EYA3: variants seen among roughly 807,000 people sequenced by gnomAD.
EYA3 encodes EYA transcriptional coactivator and phosphatase 3, also known as protein phosphatase EYA3.
EYA3 carries 39 observed loss-of-function variants against 80.0 expected under a neutral mutation model. The ratio of observed to expected loss-of-function variants is 0.49; its 90% CI spans 0.38 to 0.64. EYA3 has a LOEUF of 0.64. Among genes scored for constraint, EYA3 ranks in the 30% least tolerant of loss-of-function variants. The pLI, the probability that EYA3 is intolerant of heterozygous loss-of-function variation, is 0.00. For missense variants in EYA3, 523 were observed against 676.1 expected (o/e 0.77, Z 2.51); for synonymous variants, 206 against 232.8 (o/e 0.88, Z 1.05).
At chr1:28,008,841 G>C (rs1641483533) in intron 10 of EYA3, among the ~76,000 whole-genome samples, 1 of 152,160 alleles carries the variant, frequency 6.6e-6, no homozygotes, top group African/African-American at 2.4e-5. Context: ...CTACTCAGGA[G>C]GCTGAGGCAC....
chr1:27,977,835 G>C (rs971535806), intron 17 of EYA3, among the ~76,000 whole-genome samples: 1 of 140,614 alleles, frequency 7.1e-6, no homozygotes, highest in Admixed American at 7.3e-5. Context: ...GAGATAGAGT[G>C]AGACTCTATC....
At chr1:28,022,553 C>CA (rs1264153259) in intron 7 of EYA3, among the ~76,000 whole-genome samples, 1 of 152,146 alleles carries the variant, frequency 6.6e-6, no homozygotes, top group African/African-American at 2.4e-5. Flanking sequence ...AGTAAGAATT[C>CA]ATGTTTAACT....
intron 16 of EYA3, among the ~76,000 whole-genome samples, chr1:27,984,258 C>T (rs113135263): frequency 0.022 from 3,328 of 151,860 alleles, 96 homozygotes; most frequent in African/African-American, 0.067. Flanking sequence ...CACGATGGTC[C>T]TGAACTCCTG....
rs1254090107 is a variant in EYA3 at position 28,027,844 on chromosome 1, A to G, written c.444T>C (p.Thr148=). The change falls in exon 7 of 18, where the codon ACT becomes ACC. Residue 148 remains threonine (T), a synonymous_variant. Transcript: ENST00000373871. The part of the protein sequence containing the change: ...SPSQHSVLTC[T]TGLTTSQPSP... The stretch of plus-strand genomic sequence containing the variant: ...TTGGCTGGCTTGTGGTTAACCCTGT[A>G]GTGCAGGTAAGAACACTGTGTTGAC... 1 of 1,614,212 alleles carries G rather than the reference A, an allele frequency of 6.2e-7. No homozygotes were observed. Among genetic ancestry groups the G allele is most frequent in the South Asian group, 1.1e-5 (1 of 91,088 alleles).
intron 1 of EYA3, among the ~76,000 whole-genome samples, chr1:28,061,541 T>C (rs1244385459): frequency 6.6e-6 from 1 of 151,884 alleles, no homozygotes; most frequent in Non-Finnish European, 1.5e-5. Flanking sequence ...ACAGAATTAC[T>C]GTAAAAATCT....
intron 13 of EYA3, among the ~76,000 whole-genome samples, chr1:27,996,664 G>T (rs1640479972): frequency 6.6e-6 from 1 of 152,170 alleles, no homozygotes; most frequent in Non-Finnish European, 1.5e-5. Context: ...CTGAATTTTG[G>T]GGTAGTTACT....
chr1:28,050,445 G>A (rs555599658), intron 2 of EYA3, among the ~76,000 whole-genome samples: 3 of 151,974 alleles, frequency 2.0e-5, no homozygotes, highest in African/African-American at 7.2e-5. Context: ...CAAGTGATCC[G>A]TCCACCTTGG....
At chr1:28,077,753 T>A (rs1424372365) in intron 1 of EYA3, among the ~76,000 whole-genome samples, 2 of 152,258 alleles carry the variant, frequency 1.3e-5, no homozygotes, top group African/African-American at 4.8e-5. Flanking sequence ...CCTTCTTTAA[T>A]CTGTGCAGTT....
chr1:28,032,517 G>A (rs1417590134), intron 6 of EYA3, among the ~76,000 whole-genome samples: 1 of 152,062 alleles, frequency 6.6e-6, no homozygotes. Flanking sequence ...GGCTCTTAAT[G>A]CATATCACCC....
intron 1 of EYA3, among the ~76,000 whole-genome samples, chr1:28,070,085 T>G (rs189854155): frequency 6.6e-6 from 1 of 152,314 alleles, no homozygotes; most frequent in Admixed American, 6.5e-5. Flanking sequence ...TTCTGTTGTT[T>G]TAAGCCTCAA....
chr1:28,075,019 T>C (rs1472199626), intron 1 of EYA3, among the ~76,000 whole-genome samples: 1 of 152,208 alleles, frequency 6.6e-6, no homozygotes, highest in Non-Finnish European at 1.5e-5. Context: ...TTAAAACCAG[T>C]ATAAGACTCA....
At chr1:28,035,764 G>T in intron 5 of EYA3, 84 bp from the exon 6 acceptor site, 2 of 1,286,116 alleles carry the variant, frequency 1.6e-6, no homozygotes, top group Non-Finnish European at 2.2e-6. Flanking sequence ...ACCACTAACA[G>T]CAAAGAATCT....
intron 8 of EYA3, among the ~76,000 whole-genome samples, chr1:28,014,006 T>C (rs1406693960): frequency 6.6e-6 from 1 of 152,214 alleles, no homozygotes; most frequent in Non-Finnish European, 1.5e-5. Flanking sequence ...GAGGTTGCAG[T>C]GAGCCGAGAT....
Position 27,993,504 on chromosome 1 carries a change from C to T in EYA3, c.1199G>A (p.Gly400Asp), listed in dbSNP as rs530106628. The part of the protein sequence containing the change: ...FSGSGGSGSH[G>D]SSVGVQGGVD... ...ACCTCCCTGAACACCCACAGATGAA[C>T]CATGGCTGCCACTACCTCCTGAGCC... The change falls in exon 14 of 18, where the codon GGT becomes GAT. Residue 400 changes from glycine (G) to aspartate (D), a missense_variant. Gly to Asp is a moderately conservative substitution (Grantham distance 94). Transcript: ENST00000373871. 79 of 1,612,592 alleles carry T rather than the reference C, an allele frequency of 4.9e-5. No individual in the cohort carries two copies. The South Asian group carries it at 7.6e-4, about 16-fold the overall frequency.
chr1:28,012,430 G>C (rs1184196250), intron 9 of EYA3, among the ~76,000 whole-genome samples: 1 of 152,172 alleles, frequency 6.6e-6, no homozygotes, highest in East Asian at 1.9e-4. Context: ...CTGTTCACTT[G>C]TTATATAGTA....
Position 28,067,437 on chromosome 1 carries a change from A to C in EYA3, c.-68-9343T>G, listed in dbSNP as rs12133657. Among the ~76,000 whole-genome samples, 1,395 of 152,340 alleles carry C rather than the reference A, an allele frequency of 9.2e-3. 10 individuals are homozygous for C. Among genetic ancestry groups the C allele is most frequent in the African/African-American group, 0.017 (697 of 41,576 alleles). ...AAAGCTTACATTTAAAAGTATAGTAAAATGTTTAAATACATATTTTTAAAT... is the reference window on the plus strand; with the variant it reads ...AAAGCTTACATTTAAAAGTATAGTACAATGTTTAAATACATATTTTTAAAT... On this transcript the variant is annotated intron_variant, in intron 1 of 17. Transcript: ENST00000373871.
chr1:28,072,034 G>C (rs1645034719), intron 1 of EYA3, among the ~76,000 whole-genome samples: 1 of 152,000 alleles, frequency 6.6e-6, no homozygotes, highest in South Asian at 2.1e-4. Flanking sequence ...AATCTACAGA[G>C]ACCAATAGTC....
chr1:28,051,498 G>C (rs112727111), intron 2 of EYA3, among the ~76,000 whole-genome samples: 1,566 of 152,242 alleles, frequency 0.01, 17 homozygotes, highest in South Asian at 0.041. Flanking sequence ...GACCAGGCTG[G>C]CCAACATGGT....
At chr1:28,044,642 G>T (rs1643934815) in intron 3 of EYA3, among the ~76,000 whole-genome samples, 1 of 152,090 alleles carries the variant, frequency 6.6e-6, no homozygotes, top group South Asian at 2.1e-4. Flanking sequence ...ATTGTAAAAA[G>T]AAATGTTGCT....
Sources: gnomAD v4.1 joint callset for allele counts (sites outside exome capture counted in the v4.1 genomes callset) on GRCh38, gnomAD v4.1.1 for gene constraint, MANE v1.5 for transcripts, NCBI Gene and HGNC (gene_info 2026-07-23, HGNC 2026-07-21) for gene names.